LHFPL4: variants seen among roughly 807,000 people sequenced by gnomAD.
The protein encoded by LHFPL4 is LHFPL tetraspan subfamily member 4, also known as LHFPL tetraspan subfamily member 4 protein.
Under a neutral mutation model 20.0 loss-of-function variants are expected in LHFPL4, and 6 were observed. The observed-to-expected ratio is 0.30, with a 90% CI of 0.16 to 0.59. LHFPL4 has a LOEUF of 0.59. LHFPL4 is among the 20% of genes least tolerant of loss of function. The pLI is 0.88. For missense variants in LHFPL4, 215 were observed against 331.2 expected, an observed-to-expected ratio of 0.65 and a Z score of 2.72; for synonymous variants, 129 against 143.8, an observed-to-expected ratio of 0.90 and a Z score of 0.74.
intron 2 of LHFPL4, among the ~76,000 whole-genome samples, chr3:9,546,009 T>C (rs2046509890): frequency 6.6e-6 from 1 of 152,002 alleles, no homozygotes; most frequent in South Asian, 2.1e-4. Flanking sequence ...CCAGAGACCC[T>C]GATAATTAAG....
intron 2 of LHFPL4, among the ~76,000 whole-genome samples, chr3:9,510,542 T>A (rs2648417): frequency 6.6e-6 from 1 of 151,816 alleles, no homozygotes; most frequent in South Asian, 2.1e-4. Context: ...AGCTACCCCA[T>A]GGTCCTACTG....
rs139679514 is a variant in LHFPL4 at position 9,547,121 on chromosome 3, C to T, written c.406+5153G>A. ...CTCCCACCTCAGCCTCCTGAGTAGC[C>T]GGGACCACAGGCGAGTGCCACCACA... On this transcript the variant is annotated intron_variant, in intron 2 of 3. Coordinates refer to ENST00000287585, the MANE Select transcript of LHFPL4 (RefSeq NM_198560.3). Among the ~76,000 whole-genome samples the T allele has an allele frequency of 2.2e-3, 337 of 152,198 alleles. 1 individual carries two copies. The highest frequency in any genetic ancestry group is 7.9e-3 in the African/African-American group (326 of 41,526).
chr3:9,552,364 T>G lies in LHFPL4; in HGVS notation c.316A>C (p.Ile106Leu). ...AFFVLLSMVL[I>L]LGCITCFSLF... ...GAAAAGCAGGTGATGCAGCCGAGGA[T>G]CAGCACCATGGAGAGCAGCACGAAG... Residue 106 changes from isoleucine (I) to leucine (L), a missense_variant, in exon 2 of 4, where the codon ATC becomes CTC. Around this residue, in one of 2 missense-constraint regions of LHFPL4, gnomAD observed 164 missense variants for 286.7 expected, o/e 0.57. Coordinates refer to ENST00000287585, the MANE Select transcript of LHFPL4 (RefSeq NM_198560.3). 1 of 1,613,844 alleles carries G rather than the reference T, an allele frequency of 6.2e-7. No individual in the cohort carries two copies. The highest frequency in any genetic ancestry group is 1.1e-5 in the South Asian group (1 of 91,066).
At chr3:9,511,179 A>G (rs900603088) in intron 2 of LHFPL4, among the ~76,000 whole-genome samples, 19 of 151,672 alleles carry the variant, frequency 1.3e-4, no homozygotes, top group Non-Finnish European at 2.4e-4. Context: ...GTGAAAACCC[A>G]TCTCTACTAA....
At chr3:9,524,030 T>G (rs1400634624) in intron 2 of LHFPL4, among the ~76,000 whole-genome samples, 1 of 144,118 alleles carries the variant, frequency 6.9e-6, no homozygotes, top group Non-Finnish European at 1.5e-5. Context: ...CTCTTCTTGC[T>G]TGCACAGTTT....
chr3:9,516,397 A>G (rs2046302053), intron 2 of LHFPL4, among the ~76,000 whole-genome samples: 1 of 151,710 alleles, frequency 6.6e-6, no homozygotes, highest in Admixed American at 6.6e-5. Context: ...GACTGTATTT[A>G]TGTGGGTCTG....
chr3:9,511,467 G>A (rs1417026115), intron 2 of LHFPL4, among the ~76,000 whole-genome samples: 2 of 152,086 alleles, frequency 1.3e-5, no homozygotes, highest in African/African-American at 4.8e-5. Flanking sequence ...TTGTAAGTGG[G>A]GGAATCTGTA....
At chr3:9,512,548 T>C (rs2046268231) in intron 2 of LHFPL4, among the ~76,000 whole-genome samples, 1 of 152,172 alleles carries the variant, frequency 6.6e-6, no homozygotes, top group Non-Finnish European at 1.5e-5. Flanking sequence ...TGCCACAATA[T>C]CTATTCATCC....
At chr3:9,511,301 G>T (rs944683103) in intron 2 of LHFPL4, among the ~76,000 whole-genome samples, 1 of 151,012 alleles carries the variant, frequency 6.6e-6, no homozygotes. Flanking sequence ...CAGTGAGCGG[G>T]GATCATGCCA....
In LHFPL4 at chr3:9,502,214, G is replaced by A; in HGVS notation, c.741C>T (p.Pro247=). The change falls in exon 4 of 4, where the codon CCC becomes CCT. Residue 247 remains proline (P), a synonymous_variant. Transcript: ENST00000287585. ...LPCPVAHSQG[P] is the part of the protein sequence containing the mutation. ...ACTGGGCTGTGATCCTGGCCTTTCA[G>A]GGTCCCTGTGAGTGAGCCACGGGGC... 1.2e-6 allele frequency: 2 copies of A among 1,612,884 alleles called. No individual in the cohort carries two copies. The highest frequency in any genetic ancestry group is 1.7e-6 in the Non-Finnish European group (2 of 1,178,904).
chr3:9,545,419 C>A (rs889774389), intron 2 of LHFPL4, among the ~76,000 whole-genome samples: 1 of 152,140 alleles, frequency 6.6e-6, no homozygotes, highest in African/African-American at 2.4e-5. Context: ...TGGCTCAGGC[C>A]GGTAATTCCA....
intron 2 of LHFPL4, among the ~76,000 whole-genome samples, chr3:9,519,564 TTCTC>T (rs2046325335): frequency 6.6e-6 from 1 of 152,166 alleles, no homozygotes; most frequent in South Asian, 2.1e-4. Flanking sequence ...CTCTCGTTCT[TTCTC>T]TCTTTTTTTG....
chr3:9,552,094 A>T (rs969186724), intron 2 of LHFPL4, among the ~76,000 whole-genome samples, 180 bp downstream of exon 2: 1 of 151,384 alleles, frequency 6.6e-6, no homozygotes, highest in Non-Finnish European at 1.5e-5. Context: ...CCCCTGCCCT[A>T]AGGTGTCTCT....
chr3:9,538,722 A>G (rs997406885), intron 2 of LHFPL4, among the ~76,000 whole-genome samples: 1 of 150,038 alleles, frequency 6.7e-6, no homozygotes, highest in African/African-American at 2.5e-5. Context: ...TTTTTTAGAC[A>G]GAGTCTTGCT....
intron 2 of LHFPL4, among the ~76,000 whole-genome samples, chr3:9,547,298 G>A (rs1265969856): frequency 6.6e-6 from 1 of 152,182 alleles, no homozygotes; most frequent in Non-Finnish European, 1.5e-5. Flanking sequence ...CATAAGTCCT[G>A]TGGTCTTACA....
intron 3 of LHFPL4, among the ~76,000 whole-genome samples, chr3:9,504,403 A>G (rs2046201353): frequency 6.6e-6 from 1 of 150,474 alleles, no homozygotes; most frequent in Non-Finnish European, 1.5e-5. Context: ...AAAGGACTCT[A>G]ACGCTACCCA....
intron 2 of LHFPL4, among the ~76,000 whole-genome samples, chr3:9,523,985 C>T (rs1032571360): frequency 2.1e-5 from 2 of 95,552 alleles, no homozygotes; most frequent in African/African-American, 7.2e-5. Context: ...CTAGTATTTC[C>T]CCCCCCCCCA....
chr3:9,543,988 G>A (rs2046495620), intron 2 of LHFPL4, among the ~76,000 whole-genome samples: 1 of 152,038 alleles, frequency 6.6e-6, no homozygotes, highest in Non-Finnish European at 1.5e-5. Context: ...CTCCCAAAGT[G>A]CTAGGATTAC....
intron 3 of LHFPL4, among the ~76,000 whole-genome samples, chr3:9,503,560 G>C (rs938365028): frequency 6.6e-6 from 1 of 152,198 alleles, no homozygotes; most frequent in Non-Finnish European, 1.5e-5. Context: ...AGACAGGGGG[G>C]AAGAGCTTGG....
Sources: allele counts gnomAD v4.1 joint callset (sites outside exome capture counted in the v4.1 genomes callset), GRCh38; gene constraint gnomAD v4.1.1; regional missense constraint gnomAD v4.1.1; transcripts MANE v1.5; gene names NCBI Gene and HGNC (gene_info 2026-07-23, HGNC 2026-07-21).